The following XIRP2 variants were observed in gnomAD, a reference collection of about 807,000 sequenced individuals.
XIRP2 encodes xin actin-binding repeat-containing protein 2.
In XIRP2, 236 loss-of-function variants were observed where a neutral mutation model predicts 277.0. That is an observed-to-expected ratio of 0.85 (90% CI 0.77 to 0.95). XIRP2 has a LOEUF of 0.95. Ranked by LOEUF, XIRP2 falls within the 40% of genes least tolerant of loss-of-function variation. XIRP2 has a pLI of 0.00. For missense variants in XIRP2, 4,640 were observed against 4,157.5 expected (o/e 1.12, Z -3.19); for synonymous variants, 1,490 against 1,416.5 (o/e 1.05, Z -1.17).
chr2:167,213,513 ATAT>A (rs1573963345), intron 4 of XIRP2, among the ~76,000 whole-genome samples: 1 of 152,230 alleles, frequency 6.6e-6, no homozygotes, highest in East Asian at 1.9e-4. Context: ...TCAAATTAGC[ATAT>A]TATTATCAGC....
At chr2:167,149,170 A>G (rs1314257495) in intron 3 of XIRP2, among the ~76,000 whole-genome samples, 2 of 152,180 alleles carry the variant, frequency 1.3e-5, no homozygotes, top group African/African-American at 4.8e-5. Context: ...TCTCACCCCA[A>G]CCTAATTCAA....
intron 2 of XIRP2, among the ~76,000 whole-genome samples, chr2:167,031,674 G>A (rs1293625075): frequency 6.6e-6 from 1 of 152,008 alleles, no homozygotes; most frequent in Non-Finnish European, 1.5e-5. Context: ...GACAAACAGA[G>A]CCAAATCATG....
At chr2:166,904,454 G>T (rs1292871265) in intron 2 of XIRP2, among the ~76,000 whole-genome samples, 1 of 152,062 alleles carries the variant, frequency 6.6e-6, no homozygotes, top group African/African-American at 2.4e-5. Flanking sequence ...AAACACTAAG[G>T]GTAGAGTCTG....
At chr2:167,186,636 G>T (rs2105361837) in intron 3 of XIRP2, among the ~76,000 whole-genome samples, 1 of 152,186 alleles carries the variant, frequency 6.6e-6, no homozygotes, top group East Asian at 1.9e-4. Flanking sequence ...GGTAAGTCCT[G>T]GCAGCAAAGG....
chr2:167,025,531 T>C (rs1688127742), intron 2 of XIRP2, among the ~76,000 whole-genome samples: 1 of 151,638 alleles, frequency 6.6e-6, no homozygotes, highest in Non-Finnish European at 1.5e-5. Flanking sequence ...TTTCTAGTTC[T>C]TTTAATTGTG....
At chr2:166,973,965 C>T (rs1686645719) in intron 2 of XIRP2, among the ~76,000 whole-genome samples, 1 of 152,164 alleles carries the variant, frequency 6.6e-6, no homozygotes, top group African/African-American at 2.4e-5. Context: ...GGTCTAGTCT[C>T]AGCAATGGCA....
chr2:167,103,419 T>C (rs1690537913), intron 2 of XIRP2, among the ~76,000 whole-genome samples: 1 of 152,198 alleles, frequency 6.6e-6, no homozygotes, highest in Non-Finnish European at 1.5e-5. Flanking sequence ...GTTGCTCTTG[T>C]TGCTGCTCTT....
rs1559043201 is a variant in XIRP2 at position 167,248,816 on chromosome 2, C to CGGA, written c.7426_7428dup (p.Glu2476dup). The CGGA allele has an allele frequency of 6.2e-7, 1 of 1,613,472 alleles. No homozygotes were observed. The highest frequency in any genetic ancestry group is 8.5e-7 in the Non-Finnish European group (1 of 1,179,776). The stretch of plus-strand genomic sequence containing the variant: ...ATGGTGATGACCAGCAGTGAACACA[C>CGGA]GGAGACAAAGCAGAACGTTATTAGT... On this transcript the variant is annotated inframe_insertion, in exon 9 of 11. Transcript: ENST00000409195.
intron 2 of XIRP2, among the ~76,000 whole-genome samples, chr2:167,053,060 G>T (rs1047721596): frequency 6.6e-6 from 1 of 152,312 alleles, no homozygotes; most frequent in Admixed American, 6.5e-5. Context: ...GGCTGCTCAT[G>T]ATGTTTCTAC....
At chr2:166,907,312 C>A (rs185484871) in intron 2 of XIRP2, among the ~76,000 whole-genome samples, 84 of 152,300 alleles carry the variant, frequency 5.5e-4, no homozygotes, top group African/African-American at 2.0e-3. Flanking sequence ...GAGAATGTCA[C>A]ATCCATTTGT....
At chr2:166,942,921 T>C (rs1685758471) in intron 2 of XIRP2, among the ~76,000 whole-genome samples, 1 of 152,138 alleles carries the variant, frequency 6.6e-6, no homozygotes, top group Admixed American at 6.5e-5. Flanking sequence ...TCAAACAGCA[T>C]CTCTTGTTGT....
intron 2 of XIRP2, among the ~76,000 whole-genome samples, chr2:166,916,454 C>T (rs1684882359): frequency 6.6e-6 from 1 of 151,958 alleles, no homozygotes; most frequent in Non-Finnish European, 1.5e-5. Flanking sequence ...TTTAACAGGA[C>T]AGAAGTTATT....
At chr2:167,228,589 T>C (rs1351453939) in intron 5 of XIRP2, among the ~76,000 whole-genome samples, 1 of 152,110 alleles carries the variant, frequency 6.6e-6, no homozygotes, top group African/African-American at 2.4e-5. Context: ...ATCTTCCTGG[T>C]GACTTGGCAG....
At chr2:166,997,005 A>C (rs1024579901) in intron 2 of XIRP2, among the ~76,000 whole-genome samples, 2 of 152,202 alleles carry the variant, frequency 1.3e-5, no homozygotes, top group Non-Finnish European at 2.9e-5. Flanking sequence ...CCTAAAATGA[A>C]CAGTCCTAGA....
At chr2:167,093,908 G>C (rs754082479) in intron 2 of XIRP2, among the ~76,000 whole-genome samples, 4 of 152,044 alleles carry the variant, frequency 2.6e-5, no homozygotes, top group Non-Finnish European at 4.4e-5. Context: ...TTCCCCACTG[G>C]TTCAACTAAT....
At position 167,247,626 on chromosome 2, in the gene XIRP2, T is replaced by C; in HGVS notation, c.6234T>C (p.Tyr2078=). The part of the protein sequence containing the change: ...TTGEQHLRDE[Y]MSRQLTSTVS... ...GAGAACAGCATCTTAGAGATGAATA[T>C]ATGAGCAGACAATTAACTTCAACTG... The change falls in exon 9 of 11, where the codon TAT becomes TAC. Residue 2078 remains tyrosine, a synonymous_variant. Transcript: ENST00000409195. 1 of 1,613,644 alleles carries C rather than the reference T, an allele frequency of 6.2e-7. No individual in the cohort carries two copies. The highest frequency in any genetic ancestry group is 8.5e-7 in the Non-Finnish European group (1 of 1,179,754).
At chr2:167,050,997 T>C (rs1688899525) in intron 2 of XIRP2, among the ~76,000 whole-genome samples, 1 of 152,010 alleles carries the variant, frequency 6.6e-6, no homozygotes, top group Non-Finnish European at 1.5e-5. Flanking sequence ...TTCTCAAAAT[T>C]GCTCTTATGC....
rs35636231 is a variant in XIRP2 at position 167,132,511 on chromosome 2, T to TACACACACAC, written c.409-3369_409-3360dup. ...TGATTATGTCATGTGTGCATGTGTATACACACACACACACACACACACACA... is the reference window on the plus strand; with the variant it reads ...TGATTATGTCATGTGTGCATGTGTATACACACACACACACACACACACACACACACACACA... On this transcript the variant is annotated intron_variant, in intron 2 of 10. Transcript: ENST00000409195. Among the ~76,000 whole-genome samples the TACACACACAC allele has an allele frequency of 7.0e-3, 1,019 of 146,310 alleles. 12 individuals carry two copies. The highest frequency in any genetic ancestry group is 0.044 in the East Asian group (217 of 4,904).
chr2:167,103,753 C>A (rs185398442), intron 2 of XIRP2, among the ~76,000 whole-genome samples: 1 of 152,040 alleles, frequency 6.6e-6, no homozygotes, highest in Non-Finnish European at 1.5e-5. Flanking sequence ...TGGAATCAAA[C>A]GCTAGCTGGT....
Sources: allele counts gnomAD v4.1 joint callset (sites outside exome capture counted in the v4.1 genomes callset), GRCh38; gene constraint gnomAD v4.1.1; transcripts MANE v1.5; gene names NCBI Gene and HGNC (gene_info 2026-07-23, HGNC 2026-07-21).